PDCD6: variants seen among roughly 807,000 people sequenced by gnomAD.
PDCD6 encodes the protein programmed cell death protein 6.
PDCD6 carries 12 observed loss-of-function variants against 28.3 expected under a neutral mutation model. That is an observed-to-expected ratio of 0.42 (90% CI 0.27 to 0.69). PDCD6 has a LOEUF of 0.69. Among genes scored for constraint, PDCD6 ranks in the 30% least tolerant of loss-of-function variants. The pLI is 0.22. For synonymous variants in PDCD6, 92 were observed against 108.0 expected, an observed-to-expected ratio of 0.85 and a Z score of 0.92; for missense variants, 226 against 269.9, an observed-to-expected ratio of 0.84 and a Z score of 1.14.
chr5:284,045 T>C (rs1488250081), intron 2 of PDCD6, among the ~76,000 whole-genome samples: 1 of 151,700 alleles, frequency 6.6e-6, no homozygotes, highest in Non-Finnish European at 1.5e-5. Context: ...GTTGTTTGCA[T>C]TGAAAGTCTT....
At chr5:275,841 G>A (rs1738160396) in intron 2 of PDCD6, among the ~76,000 whole-genome samples, 1 of 152,166 alleles carries the variant, frequency 6.6e-6, no homozygotes, top group Non-Finnish European at 1.5e-5. Context: ...GTTCTGTGGT[G>A]GTTTGCTCCT....
intron 2 of PDCD6, among the ~76,000 whole-genome samples, chr5:278,996 A>G (rs1419246818): frequency 2.0e-5 from 3 of 151,950 alleles, no homozygotes; most frequent in Non-Finnish European, 4.4e-5. Context: ...GCGCCAAGCT[A>G]ATATCTTGTT....
intron 5 of PDCD6, chr5:312,417 A>T (rs1740981211): frequency 6.6e-6 from 1 of 152,204 alleles, no homozygotes; most frequent in Admixed American, 6.5e-5. Context: ...AAATTTGGAA[A>T]ACGTTCCCAA....
chr5:284,572 C>G (rs1323369112), intron 2 of PDCD6, among the ~76,000 whole-genome samples: 2 of 151,942 alleles, frequency 1.3e-5, no homozygotes, highest in African/African-American at 4.8e-5. Context: ...CAGCGGGAAG[C>G]TGATGTTCCG....
At chr5:291,066 C>T (rs1049383352) in intron 2 of PDCD6, among the ~76,000 whole-genome samples, 2 of 152,168 alleles carry the variant, frequency 1.3e-5, no homozygotes, top group African/African-American at 4.8e-5. Flanking sequence ...ACTGTGGATG[C>T]TCCCTGGAGG....
At chr5:274,176 C>T (rs778248140) in intron 2 of PDCD6, among the ~76,000 whole-genome samples, 4 of 152,208 alleles carry the variant, frequency 2.6e-5, no homozygotes, top group South Asian at 4.1e-4. Flanking sequence ...ACAAGCCACA[C>T]GGAGTGCCCT....
chr5:279,799 AAAAAAAAC>A (rs1484105307), intron 2 of PDCD6, among the ~76,000 whole-genome samples: 12 of 148,956 alleles, frequency 8.1e-5, no homozygotes, highest in African/African-American at 2.6e-4. Flanking sequence ...AAAAAAAAAA[AAAAAAAAC>A]GAGGAGCCGG....
At chr5:294,507 A>G (rs192954284) in intron 2 of PDCD6, among the ~76,000 whole-genome samples, 2 of 152,258 alleles carry the variant, frequency 1.3e-5, no homozygotes, top group African/African-American at 4.8e-5. Context: ...CTGCAAATCT[A>G]TTAAAATGGC....
chr5:284,753 G>A (rs1738826497), intron 2 of PDCD6, among the ~76,000 whole-genome samples: 2 of 150,658 alleles, frequency 1.3e-5, no homozygotes, highest in East Asian at 2.0e-4. Flanking sequence ...GAGACACCGC[G>A]GGGAGCTCAT....
At chr5:299,857 T>TTA (rs1372662249) in intron 2 of PDCD6, among the ~76,000 whole-genome samples, 1 of 152,022 alleles carries the variant, frequency 6.6e-6, no homozygotes, top group African/African-American at 2.4e-5. Flanking sequence ...CTGGTATTTT[T>TTA]TTTTTTATTT....
At chr5:289,394 G>T in intron 2 of PDCD6, 1 of 635,190 alleles carries the variant, frequency 1.6e-6, no homozygotes. Flanking sequence ...CCCTTTTACA[G>T]ATGGTCTCTC....
At chr5:299,904 CAT>C (rs1334132030) in intron 2 of PDCD6, among the ~76,000 whole-genome samples, 1 of 151,860 alleles carries the variant, frequency 6.6e-6, no homozygotes, top group East Asian at 1.9e-4. Flanking sequence ...TTGGAGATCA[CAT>C]ATTAAAGAGA....
intron 5 of PDCD6, chr5:312,482 C>G (rs1019133375): frequency 1.3e-5 from 2 of 152,218 alleles, no homozygotes; most frequent in Admixed American, 1.3e-4. Context: ...TGAGTTTCCT[C>G]TGATTTGGCA....
In PDCD6 at chr5:292,562, C is replaced by T. The variant is rs186941045; in HGVS notation, c.164-11615C>T. ...GCATGAGCCACCATGCCTGGCCTGCCTTTTTCTTTTTCAAAAGGACTCTTT... is the reference window on the plus strand; with the variant it reads ...GCATGAGCCACCATGCCTGGCCTGCTTTTTTCTTTTTCAAAAGGACTCTTT... On this transcript the variant is annotated intron_variant, in intron 2 of 5. Transcript: ENST00000264933. 5.3e-3 allele frequency among the ~76,000 whole-genome samples: 806 copies of T among 152,266 alleles called. 3 individuals are homozygous for T. Among genetic ancestry groups the T allele is most frequent in the Middle Eastern group, 0.017 (5 of 294 alleles).
intron 2 of PDCD6, among the ~76,000 whole-genome samples, chr5:281,185 A>C (rs982344297): frequency 6.6e-6 from 1 of 152,286 alleles, no homozygotes; most frequent in Non-Finnish European, 1.5e-5. Flanking sequence ...ACTCATGAAC[A>C]TAAAAGAGAC....
chr5:276,993 T>G, intron 2 of PDCD6: 1 of 962,268 alleles, frequency 1.0e-6, no homozygotes, highest in Non-Finnish European at 1.2e-6. Flanking sequence ...CATTCACATA[T>G]TTCTTGGAAT....
At chr5:301,777 G>A (rs1740071487) in intron 2 of PDCD6, among the ~76,000 whole-genome samples, 1 of 151,280 alleles carries the variant, frequency 6.6e-6, no homozygotes. Flanking sequence ...GGGTCGTGGA[G>A]TGCTGCTCTG....
At chr5:291,269 G>A (rs1174157753) in intron 2 of PDCD6, among the ~76,000 whole-genome samples, 4 of 152,018 alleles carry the variant, frequency 2.6e-5, no homozygotes, top group African/African-American at 7.3e-5. Flanking sequence ...CTGTTGCCTC[G>A]GCTGTAGTTT....
In PDCD6 at chr5:298,481, C is replaced by T. The variant is rs572109028; in HGVS notation, c.164-5696C>T. Among the ~76,000 whole-genome samples, 10 of 152,132 alleles carry T rather than the reference C, an allele frequency of 6.6e-5. No homozygotes were observed. The South Asian group carries it at 1.9e-3, about 28-fold the overall frequency. On this transcript the variant is annotated intron_variant, in intron 2 of 5. Coordinates refer to ENST00000264933, the MANE Select transcript of PDCD6 (RefSeq NM_013232.4). Reference sequence around the variant, plus strand: ...GGGACGGGAGGCCTGGCAAACTCTCCTCCCCAGCTCCGTTCCAAGCTCTGT... The same window carrying T: ...GGGACGGGAGGCCTGGCAAACTCTCTTCCCCAGCTCCGTTCCAAGCTCTGT...
Sources: allele counts gnomAD v4.1 joint callset (sites outside exome capture counted in the v4.1 genomes callset), GRCh38; gene constraint gnomAD v4.1.1; transcripts MANE v1.5; gene names NCBI Gene and HGNC (gene_info 2026-07-23, HGNC 2026-07-21).